Variants in CCP110 observed in about 807,000 individuals in gnomAD.
CCP110 encodes centriolar coiled-coil protein of 110 kDa.
Under a neutral mutation model 105.5 loss-of-function variants are expected in CCP110, and 43 were observed. The ratio of observed to expected loss-of-function variants is 0.41; its 90% CI spans 0.32 to 0.53. The LOEUF is 0.53. CCP110 is among the 20% of genes least tolerant of loss of function. The probability of loss-of-function intolerance (pLI) is 0.32; values close to 1 mark genes in which losing one functional copy is unlikely to be tolerated. For missense variants in CCP110, 1,016 were observed against 1,189.1 expected (o/e 0.85, Z 2.14); for synonymous variants, 353 against 392.1 (o/e 0.90, Z 1.18).
At chr16:19,537,016 C>T in exon 4 of CCP110, 2 of 1,614,122 alleles carry the variant, frequency 1.2e-6, no homozygotes, top group Non-Finnish European at 1.7e-6. Flanking sequence ...CATCTGAAGT[C>T]AAAGAAGATG....
chr16:19,532,265 C>T, intron 2 of CCP110, 151 bp from the exon 3 acceptor site: 1 of 576,002 alleles, frequency 1.7e-6, no homozygotes, highest in Non-Finnish European at 2.9e-6. Context: ...AATGCCCCAT[C>T]CCACTCAGTA....
At chr16:19,524,678 C>T (rs1441585871) in intron 1 of CCP110, 4 of 152,218 alleles carry the variant, frequency 2.6e-5, no homozygotes, top group Non-Finnish European at 4.4e-5. Context: ...CTCCCTACCC[C>T]CAGTTTAGGC....
At chr16:19,538,954 A>C (rs149690336) in intron 4 of CCP110, among the ~76,000 whole-genome samples, 4,206 of 152,022 alleles carry the variant, frequency 0.028, 76 homozygotes, top group Non-Finnish European at 0.041. Context: ...TCTACTAAAA[A>C]TACAAAAATT....
At chr16:19,530,751 C>T (rs576853033) in intron 2 of CCP110, among the ~76,000 whole-genome samples, 3 of 147,294 alleles carry the variant, frequency 2.0e-5, no homozygotes, top group South Asian at 4.4e-4. Context: ...GTCAGGAGTT[C>T]GAGACCAGCC....
chr16:19,541,649 G>GGAGA lies in CCP110; in HGVS notation c.2050-207_2050-204dup, dbSNP rs142905705. Among the ~76,000 whole-genome samples the GGAGA allele has an allele frequency of 1.6e-3, 205 of 128,910 alleles. 2 individuals are homozygous for GGAGA. The Middle Eastern group carries it at 0.022, about 14-fold the overall frequency. The allele number at this position is 128,910 out of a possible 152,430, so 84.6% of individuals were successfully genotyped here. A position where few individuals can be genotyped will look rare whatever the true frequency, so the allele number is the denominator to read the frequency against. Reference sequence around the variant, plus strand: ...TCTTGAAACAAGAAAGAGAGAGAGAGGAGAGAGAGAGAGAGAGAGAGAGAG... The same window carrying GGAGA: ...TCTTGAAACAAGAAAGAGAGAGAGAGGAGAGAGAGAGAGAGAGAGAGAGAGAGAG... On this transcript the variant is annotated intron_variant, in intron 5 of 14. Coordinates refer to ENST00000381396, the Ensembl canonical transcript of CCP110.
chr16:19,536,319 C>T lies in CCP110; in HGVS notation c.650C>T (p.Ala217Val). Reference sequence around the variant, plus strand: ...GAACAACAGGATCTACCACTTTTGGCAGAAGTCATCCCAGATCCCTATGTA... The same window carrying T: ...GAACAACAGGATCTACCACTTTTGGTAGAAGTCATCCCAGATCCCTATGTA... The change falls in exon 4 of 15, where the codon GCA becomes GTA. Residue 217 changes from alanine to valine, a missense_variant. Coordinates refer to ENST00000381396, the Ensembl canonical transcript of CCP110. The T allele has an allele frequency of 2.5e-6, 4 of 1,612,932 alleles. No homozygotes were observed. The highest frequency in any genetic ancestry group is 3.4e-6 in the Non-Finnish European group (4 of 1,179,946).
rs745704089 is a variant in CCP110 at position 19,542,761 on chromosome 16, GT to G, written c.2367+2del. 8.7e-6 allele frequency: 14 copies of G among 1,612,494 alleles called. No individual in the cohort carries two copies. The highest frequency in any genetic ancestry group is 1.1e-5 in the Non-Finnish European group (13 of 1,178,714). On this transcript the variant is annotated splice_donor_variant, in intron 7 of 14. Transcript: ENST00000381396. LOFTEE classifies it high-confidence loss of function. ...AAGAGCCAAAACTAGATGGTCTCAAGTGGGTAAACTTAATGATACATGTCCA... is the reference window on the plus strand; with the variant it reads ...AAGAGCCAAAACTAGATGGTCTCAAGGGGTAAACTTAATGATACATGTCCA...
intron 10 of CCP110, 140 bp from the exon 11 acceptor site, chr16:19,545,677 A>G: frequency 1.7e-6 from 1 of 604,376 alleles, no homozygotes; most frequent in Non-Finnish European, 2.9e-6. Context: ...TGCTTCAAAA[A>G]TACAAAACAA....
rs747927577 is a variant in CCP110, at chr16:19,541,875, G to A, written c.2050-12G>A. On this transcript the variant is annotated splice_polypyrimidine_tract_variant and intron_variant, in intron 5 of 14. Coordinates refer to ENST00000381396, the Ensembl canonical transcript of CCP110. Reference sequence around the variant, plus strand: ...AAGGTTTAGCATGTTACAATAAACTGTTCATGTATAGGAAATAGAAGAGCA... The same window carrying A: ...AAGGTTTAGCATGTTACAATAAACTATTCATGTATAGGAAATAGAAGAGCA... 9.1e-6 allele frequency: 14 copies of A among 1,539,890 alleles called. No individual in the cohort carries two copies. Among genetic ancestry groups the A allele is most frequent in the African/African-American group, 1.4e-5 (1 of 72,152 alleles).
chr16:19,551,324 TA>T, exon 15 of CCP110: 1 of 1,188,268 alleles, frequency 8.4e-7, no homozygotes, highest in Non-Finnish European at 1.3e-6. Flanking sequence ...AGACTTTATT[TA>T]ACCCTGGACT....
intron 3 of CCP110, among the ~76,000 whole-genome samples, chr16:19,534,375 A>G (rs1452945952): frequency 6.6e-6 from 1 of 152,214 alleles, no homozygotes; most frequent in Admixed American, 6.5e-5. Context: ...TTCAGATAGG[A>G]AAATTTTATA....
At chr16:19,542,463 T>C (rs1486961810) in intron 6 of CCP110, among the ~76,000 whole-genome samples, 158 bp from the exon 7 acceptor site, 1 of 152,230 alleles carries the variant, frequency 6.6e-6, no homozygotes, top group Non-Finnish European at 1.5e-5. Context: ...ATCCACCTGG[T>C]ATGTAAGCTT....
intron 8 of CCP110, among the ~76,000 whole-genome samples, chr16:19,543,913 T>C (rs1970374699): frequency 6.6e-6 from 1 of 152,234 alleles, no homozygotes; most frequent in African/African-American, 2.4e-5. Flanking sequence ...CAGCTGAACA[T>C]AGACCCTTAT....
chr16:19,538,299 GTTCT>G (rs1970150608), intron 4 of CCP110, among the ~76,000 whole-genome samples: 1 of 86,824 alleles, frequency 1.2e-5, no homozygotes, highest in Admixed American at 1.3e-4. Context: ...GGAGGAAACA[GTTCT>G]TTTTTTTTTT....
chr16:19,529,195 C>A (rs1404464370), intron 2 of CCP110, among the ~76,000 whole-genome samples: 2 of 152,116 alleles, frequency 1.3e-5, no homozygotes, highest in Non-Finnish European at 2.9e-5. Context: ...GATGGCTATT[C>A]CTTTTCTGGG....
rs1024180898 is a variant in CCP110 at position 19,542,278 on chromosome 16, A to G, written c.2227+214A>G. ...CAAAGATTACCTTTGCCAGGAAAAG[A>G]TCAGGAAATTTGGCTTAGAGCCCAG... On this transcript the variant is annotated intron_variant, in intron 6 of 14. Transcript: ENST00000381396. Among the ~76,000 whole-genome samples, 78 of 152,372 alleles carry G rather than the reference A, an allele frequency of 5.1e-4. 1 individual carries two copies. The highest frequency in any genetic ancestry group is 1.8e-3 in the African/African-American group (75 of 41,584).
chr16:19,551,707 T>A (rs567698180), exon 15 of CCP110: 1 of 154,724 alleles, frequency 6.5e-6, no homozygotes, highest in South Asian at 2.0e-4. Context: ...TCCCTCATTT[T>A]ATAACTTTAA....
intron 14 of CCP110, among the ~76,000 whole-genome samples, chr16:19,549,784 T>C (rs779814250): frequency 5.9e-5 from 9 of 152,248 alleles, no homozygotes; most frequent in African/African-American, 9.6e-5. Flanking sequence ...ATTGAGGAAT[T>C]AGTATTGTTT....
At chr16:19,542,592 A>G in intron 6 of CCP110, 29 bp from the exon 7 acceptor site, 1 of 1,513,608 alleles carries the variant, frequency 6.6e-7, no homozygotes, top group East Asian at 2.3e-5. Context: ...TATGACATCA[A>G]GTATAATACT....
Sources: gnomAD v4.1 joint callset for allele counts (sites outside exome capture counted in the v4.1 genomes callset) on GRCh38, gnomAD v4.1.1 for gene constraint, MANE v1.5 for transcripts, NCBI Gene and HGNC (gene_info 2026-07-23, HGNC 2026-07-21) for gene names.